The following MDGA2 variants were observed in gnomAD, a reference collection of about 807,000 sequenced individuals.
The protein encoded by MDGA2 is MAM domain containing glycosylphosphatidylinositol anchor 2.
Under a neutral mutation model 117.8 loss-of-function variants are expected in MDGA2, and 40 were observed. That is an observed-to-expected ratio of 0.34 (90% CI 0.26 to 0.44). The LOEUF is 0.44. MDGA2 is among the 20% of genes least tolerant of loss of function. The pLI is 1.00. For synonymous variants in MDGA2, 452 were observed against 439.0 expected, an observed-to-expected ratio of 1.03 and a Z score of -0.37; for missense variants, 1,123 against 1,250.6, an observed-to-expected ratio of 0.90 and a Z score of 1.54.
At chr14:46,952,633 GAAT>G (rs1885409156) in intron 9 of MDGA2, among the ~76,000 whole-genome samples, 1 of 151,850 alleles carries the variant, frequency 6.6e-6, no homozygotes, top group African/African-American at 2.4e-5. Flanking sequence ...TTTGGCTGAA[GAAT>G]AATGATTAAC....
chr14:47,568,480 A>G (rs993602349), intron 1 of MDGA2, among the ~76,000 whole-genome samples: 1 of 152,242 alleles, frequency 6.6e-6, no homozygotes, highest in South Asian at 2.1e-4. Context: ...TTTTCTTCAC[A>G]GTAAAGAGAA....
chr14:47,176,959 AAAAC>A (rs1162146518), intron 3 of MDGA2, among the ~76,000 whole-genome samples: 38 of 152,306 alleles, frequency 2.5e-4, no homozygotes, highest in African/African-American at 8.9e-4. Context: ...TTATAAGAAA[AAAAC>A]AAACAACCCC....
chr14:47,408,637 G>T (rs1892309951), intron 1 of MDGA2, among the ~76,000 whole-genome samples: 1 of 152,192 alleles, frequency 6.6e-6, no homozygotes, highest in African/African-American at 2.4e-5. Flanking sequence ...AATAAGCTAG[G>T]AAGTCTATTC....
intron 1 of MDGA2, among the ~76,000 whole-genome samples, chr14:47,308,807 T>C (rs750520268): frequency 2.6e-5 from 4 of 152,170 alleles, no homozygotes; most frequent in Non-Finnish European, 4.4e-5. Context: ...CTCCTCTGTC[T>C]ACTACAGTCT....
At chr14:47,495,577 C>G (rs1372953214) in intron 1 of MDGA2, among the ~76,000 whole-genome samples, 1 of 152,100 alleles carries the variant, frequency 6.6e-6, no homozygotes, top group Non-Finnish European at 1.5e-5. Context: ...CCCTATTTGC[C>G]ATCTTCATGG....
intron 14 of MDGA2, among the ~76,000 whole-genome samples, chr14:46,862,887 A>G (rs1203272960): frequency 2.6e-5 from 4 of 152,068 alleles, no homozygotes; most frequent in Admixed American, 2.0e-4. Context: ...ATATTTTTTC[A>G]ACATATAATT....
intron 1 of MDGA2, among the ~76,000 whole-genome samples, chr14:47,326,997 C>G (rs1430695599): frequency 6.6e-6 from 1 of 152,056 alleles, no homozygotes; most frequent in East Asian, 1.9e-4. Context: ...TGAGAAACAG[C>G]GAGGAGTGTG....
chr14:46,871,895 C>G (rs1484478232), intron 14 of MDGA2: 2 of 393,572 alleles, frequency 5.1e-6, no homozygotes, highest in Non-Finnish European at 1.1e-5. Context: ...TGCCTGTAAT[C>G]CCAGCATTTT....
chr14:47,177,817 T>C (rs1466174272), intron 3 of MDGA2, among the ~76,000 whole-genome samples: 2 of 151,930 alleles, frequency 1.3e-5, no homozygotes, highest in South Asian at 2.1e-4. Flanking sequence ...AAATAAAAAT[T>C]AAAAAGAAGA....
At chr14:47,638,860 T>G (rs1453533246) in intron 1 of MDGA2, among the ~76,000 whole-genome samples, 1 of 152,134 alleles carries the variant, frequency 6.6e-6, no homozygotes, top group Non-Finnish European at 1.5e-5. Context: ...ATTAAAATGG[T>G]CAAGCCTCAC....
chr14:47,604,025 T>C (rs1209054271), intron 1 of MDGA2, among the ~76,000 whole-genome samples: 1 of 152,174 alleles, frequency 6.6e-6, no homozygotes, highest in African/African-American at 2.4e-5. Context: ...GTGCCATGCT[T>C]GTACACAGCC....
chr14:47,297,799 G>T, intron 2 of MDGA2, among the ~76,000 whole-genome samples: 1 of 152,286 alleles, frequency 6.6e-6, no homozygotes. Context: ...TTAAATGCAT[G>T]TAATTTAAAG....
At chr14:47,567,728 C>T (rs1345884303) in intron 1 of MDGA2, among the ~76,000 whole-genome samples, 1 of 152,172 alleles carries the variant, frequency 6.6e-6, no homozygotes. Context: ...GGCCAGGGAA[C>T]CTGATCTAAG....
intron 1 of MDGA2, among the ~76,000 whole-genome samples, chr14:47,305,737 C>A (rs952202861): frequency 6.6e-6 from 1 of 152,168 alleles, no homozygotes; most frequent in Admixed American, 6.6e-5. Context: ...CTGCTAAAGG[C>A]TTACAGCCTA....
At chr14:47,321,320 G>C (rs1889973103) in intron 1 of MDGA2, among the ~76,000 whole-genome samples, 1 of 152,150 alleles carries the variant, frequency 6.6e-6, no homozygotes, top group African/African-American at 2.4e-5. Flanking sequence ...TCAATTAATA[G>C]CTTTTTGACA....
At chr14:47,503,973 C>G (rs1894457355) in intron 1 of MDGA2, among the ~76,000 whole-genome samples, 1 of 152,106 alleles carries the variant, frequency 6.6e-6, no homozygotes, top group South Asian at 2.1e-4. Context: ...AGCCTAGTAC[C>G]AAAAATAGAT....
intron 6 of MDGA2, among the ~76,000 whole-genome samples, chr14:47,067,289 G>C (rs1194365155): frequency 2.0e-5 from 3 of 152,190 alleles, no homozygotes; most frequent in African/African-American, 7.2e-5. Flanking sequence ...CATCTCTGAG[G>C]ACTAGCATCC....
At chr14:46,965,479 A>C (rs1377656555) in intron 8 of MDGA2, among the ~76,000 whole-genome samples, 1 of 152,190 alleles carries the variant, frequency 6.6e-6, no homozygotes, top group Non-Finnish European at 1.5e-5. Context: ...CCTAAATTAA[A>C]GGCTATTTAA....
At chr14:47,377,990 G>A (rs1173039176) in intron 1 of MDGA2, among the ~76,000 whole-genome samples, 1 of 152,136 alleles carries the variant, frequency 6.6e-6, no homozygotes, top group Non-Finnish European at 1.5e-5. Context: ...TCATACAGCT[G>A]GGTGCCCCTC....
Sources: allele counts gnomAD v4.1 joint callset (sites outside exome capture counted in the v4.1 genomes callset), GRCh38; gene constraint gnomAD v4.1.1; transcripts MANE v1.5; gene names NCBI Gene and HGNC (gene_info 2026-07-23, HGNC 2026-07-21).